The following PPP1R1C variants were observed in gnomAD, a reference collection of about 807,000 sequenced individuals.
PPP1R1C encodes protein phosphatase 1 regulatory inhibitor subunit 1C, also known as protein phosphatase 1 regulatory subunit 1C.
Under a neutral mutation model 17.4 loss-of-function variants are expected in PPP1R1C, and 15 were observed. The ratio of observed to expected loss-of-function variants is 0.86; its 90% CI spans 0.58 to 1.33. The LOEUF is 1.33. Among genes scored for constraint, PPP1R1C ranks in the 40% most tolerant of loss-of-function variants. The pLI, the probability that PPP1R1C is intolerant of heterozygous loss-of-function variation, is 0.00. For synonymous variants in PPP1R1C, 35 were observed against 43.1 expected (o/e 0.81, Z 0.73); for missense variants, 143 against 130.0 (o/e 1.10, Z -0.48).
chr2:181,964,697 T>TTTTA (rs147683694), intron 1 of PPP1R1C, among the ~76,000 whole-genome samples: 19,896 of 151,342 alleles, frequency 0.13, 1,808 homozygotes, highest in Non-Finnish European at 0.2. Context: ...CTGTAGTTTA[T>TTTTA]TTTATTTATT....
At chr2:181,989,428 A>C (rs1685397206) in intron 2 of PPP1R1C, among the ~76,000 whole-genome samples, 2 of 152,230 alleles carry the variant, frequency 1.3e-5, no homozygotes. Flanking sequence ...CCAGAGACAA[A>C]TGCAGGTAAT....
At chr2:182,074,627 A>G (rs924416265) in intron 4 of PPP1R1C, among the ~76,000 whole-genome samples, 10 of 152,194 alleles carry the variant, frequency 6.6e-5, no homozygotes, top group African/African-American at 2.4e-4. Context: ...ATTCTTCACA[A>G]ACTTGTCCTG....
intron 2 of PPP1R1C, among the ~76,000 whole-genome samples, chr2:181,995,426 AGTTGG>A (rs1363313172): frequency 6.6e-6 from 1 of 152,244 alleles, no homozygotes; most frequent in Non-Finnish European, 1.5e-5. Flanking sequence ...CACATGAGGT[AGTTGG>A]GCTCATGTGT....
chr2:181,985,186 A>G (rs1050386516), upstream of PPP1R1C, among the ~76,000 whole-genome samples: 1 of 152,242 alleles, frequency 6.6e-6, no homozygotes. This position sits in a 1 kb window ranked among gnomAD's most constrained non-coding sequence, Gnocchi z 4.1. Context: ...GTGACTTCCA[A>G]GCTGTTTGCT....
chr2:181,989,209 T>A (rs1685387234), intron 2 of PPP1R1C, among the ~76,000 whole-genome samples: 1 of 152,210 alleles, frequency 6.6e-6, no homozygotes. Context: ...AGGTGTTCTA[T>A]CTCCTGGAGA....
intron 5 of PPP1R1C, among the ~76,000 whole-genome samples, chr2:182,124,340 T>TTG (rs1256050556): frequency 0.014 from 1,813 of 129,762 alleles, 57 homozygotes; most frequent in African/African-American, 0.055. Context: ...TTTTTTTTTG[T>TTG]TTTTTTTTTT....
At chr2:181,990,295 C>G (rs984672216) in intron 2 of PPP1R1C, among the ~76,000 whole-genome samples, 2 of 151,550 alleles carry the variant, frequency 1.3e-5, no homozygotes, top group Non-Finnish European at 2.9e-5. Flanking sequence ...CCTGCCACCA[C>G]GCCCGGCTAA....
chr2:182,027,792 G>C (rs1181759631), intron 2 of PPP1R1C, among the ~76,000 whole-genome samples: 2 of 149,724 alleles, frequency 1.3e-5, no homozygotes, highest in African/African-American at 2.5e-5. Context: ...AATGGTACCA[G>C]TTCCTCCTTG....
chr2:182,051,759 G>A (rs917491630), intron 2 of PPP1R1C, among the ~76,000 whole-genome samples: 2 of 152,146 alleles, frequency 1.3e-5, no homozygotes, highest in African/African-American at 4.8e-5. Flanking sequence ...TTTAAATACA[G>A]TTAAACCATT....
downstream of PPP1R1C, chr2:182,130,031 C>T (rs1459371973): frequency 6.6e-6 from 1 of 152,080 alleles, no homozygotes; most frequent in Non-Finnish European, 1.5e-5. Context: ...TTTCCTATGT[C>T]TAAATCTATA....
intron 2 of PPP1R1C, among the ~76,000 whole-genome samples, chr2:181,991,632 G>A (rs886728046): frequency 1.1e-3 from 162 of 152,270 alleles, no homozygotes; most frequent in African/African-American, 3.9e-3. Context: ...GATAGGGGAA[G>A]TAGGGAATCG....
chr2:182,024,727 AG>A (rs1686539638), intron 2 of PPP1R1C, among the ~76,000 whole-genome samples: 1 of 151,794 alleles, frequency 6.6e-6, no homozygotes, highest in South Asian at 2.1e-4. Flanking sequence ...TGGCAGCATG[AG>A]CCTGTAGTCC....
chr2:182,096,266 C>G (rs1224990920), intron 4 of PPP1R1C, among the ~76,000 whole-genome samples: 2 of 152,088 alleles, frequency 1.3e-5, no homozygotes, highest in Non-Finnish European at 2.9e-5. Context: ...CTTCTGGGTA[C>G]AGGGTGGGAC....
rs562657512 is a variant in PPP1R1C, at chr2:182,015,787, C to CA, written c.142+27894dup. Among the ~76,000 whole-genome samples the CA allele has an allele frequency of 3.4e-4, 51 of 151,968 alleles. No homozygotes were observed. The East Asian group carries it at 5.2e-3, about 16-fold the overall frequency. On this transcript the variant is annotated intron_variant, in intron 2 of 4. Transcript: ENST00000682840. Reference sequence around the variant, plus strand: ...CTGTGGCTGAGCTGGATCTAAGTCGCAAAAAAGTCCTCTTTATTCTATTGT... The same window carrying CA: ...CTGTGGCTGAGCTGGATCTAAGTCGCAAAAAAAGTCCTCTTTATTCTATTGT...
At chr2:182,040,485 A>T (rs1687148799) in intron 2 of PPP1R1C, among the ~76,000 whole-genome samples, 1 of 152,046 alleles carries the variant, frequency 6.6e-6, no homozygotes, top group African/African-American at 2.4e-5. Context: ...TCATTTGCCC[A>T]CTTTTTAATG....
At chr2:182,108,813 A>T (rs1689332702) in intron 4 of PPP1R1C, among the ~76,000 whole-genome samples, 1 of 152,210 alleles carries the variant, frequency 6.6e-6, no homozygotes, top group Non-Finnish European at 1.5e-5. Flanking sequence ...AGTTATTAAT[A>T]AAGCTGCTAT....
chr2:182,089,522 A>G (rs1308257839), intron 4 of PPP1R1C, among the ~76,000 whole-genome samples: 1 of 152,192 alleles, frequency 6.6e-6, no homozygotes, highest in Non-Finnish European at 1.5e-5. Context: ...TGTTTCATGT[A>G]TATCTTCAAT....
chr2:182,029,187 T>G (rs1686728527), intron 2 of PPP1R1C, among the ~76,000 whole-genome samples: 3 of 149,064 alleles, frequency 2.0e-5, no homozygotes, highest in Admixed American at 6.6e-5. Context: ...CTGTGTCTTT[T>G]AATTGGAGCA....
chr2:182,048,383 T>C (rs534455940), intron 2 of PPP1R1C, among the ~76,000 whole-genome samples: 2 of 152,304 alleles, frequency 1.3e-5, no homozygotes, highest in African/African-American at 4.8e-5. Context: ...GGGGAGAGTT[T>C]GATAAGTCAG....
Sources: gnomAD v4.1 joint callset for allele counts (sites outside exome capture counted in the v4.1 genomes callset) on GRCh38, gnomAD v4.1.1 for gene constraint, Gnocchi (gnomAD v3.1) non-coding constraint, MANE v1.5 for transcripts, NCBI Gene and HGNC (gene_info 2026-07-23, HGNC 2026-07-21) for gene names.